Variants in GRAMD4 observed in about 807,000 individuals in gnomAD.
The protein encoded by GRAMD4 is GRAM domain-containing protein 4.
In GRAMD4, 25 loss-of-function variants were observed where a neutral mutation model predicts 83.9. The ratio of observed to expected loss-of-function variants is 0.30; its 90% CI spans 0.22 to 0.42. GRAMD4 has a LOEUF of 0.42. Among genes scored for constraint, GRAMD4 ranks in the 10% least tolerant of loss-of-function variants. The probability of loss-of-function intolerance (pLI) is 1.00; values close to 1 mark genes in which losing one functional copy is unlikely to be tolerated. For synonymous variants in GRAMD4, 336 were observed against 320.9 expected (o/e 1.05, Z -0.50); for missense variants, 593 against 788.7 (o/e 0.75, Z 2.97).
Position 46,644,697 on chromosome 22 carries a change from GTTTTTTTTTTTTTTTTTT to G in GRAMD4, c.283+6757_283+6774del, listed in dbSNP as rs71192437. Among the ~76,000 whole-genome samples the G allele has an allele frequency of 5.2e-3, 510 of 97,380 alleles. 6 individuals are homozygous for G. The East Asian group carries it at 0.071, about 14-fold the overall frequency. The allele number at this position is 97,380 out of a possible 152,430, so 63.9% of individuals were successfully genotyped here. On this transcript the variant is annotated intron_variant, in intron 3 of 18. Coordinates refer to ENST00000406902, the MANE Select transcript of GRAMD4 (RefSeq NM_015124.5). ...TCATCCACTTGTCCACTTGTTCCCT[GTTTTTTTTTTTTTTTTTT>G]TTTTTTTTTTTTTTTTTTTACTTTG...
Position 46,621,832 on chromosome 22 carries a change from C to G in GRAMD4, c.-50+1267C>G, listed in dbSNP as rs1350256276. Among the ~76,000 whole-genome samples the G allele has an allele frequency of 6.6e-6, 1 of 152,218 alleles. No individual in the cohort carries two copies. The highest frequency in any genetic ancestry group is 1.9e-4 in the East Asian group (1 of 5,198). ...GTCCATCCCTGGCAGTGTGTGGTGA[C>G]ATGTGTCGTGACATGGAGTTTGATT... is the stretch of plus-strand genomic sequence containing the variant. On this transcript the variant is annotated intron_variant, in intron 1 of 18. Transcript: ENST00000406902. This position sits in a 1 kb window ranked among gnomAD's most constrained non-coding sequence, Gnocchi z 5.8.
At chr22:46,590,290 G>A (rs577069849) in intron 1 of GRAMD4, among the ~76,000 whole-genome samples, 1 of 152,332 alleles carries the variant, frequency 6.6e-6, no homozygotes, top group South Asian at 2.1e-4. Context: ...TCCTCTTGGT[G>A]GGAGGCTTTG....
At chr22:46,595,413 A>G (rs1320476599) in intron 1 of GRAMD4, among the ~76,000 whole-genome samples, 1 of 152,220 alleles carries the variant, frequency 6.6e-6, no homozygotes, top group African/African-American at 2.4e-5. Flanking sequence ...CCCCCACCCA[A>G]GGGACTCTCA....
intron 1 of GRAMD4, among the ~76,000 whole-genome samples, chr22:46,594,095 ACCCAGCATCCTGCCAGCCCCTC>A (rs1223487460): frequency 3.3e-4 from 50 of 151,142 alleles, no homozygotes; most frequent in African/African-American, 1.2e-3. Context: ...CAGCCTTGAT[ACCCAGCATCCTGCCAGCCCCTC>A]CCCAGCATCC....
intron 1 of GRAMD4, among the ~76,000 whole-genome samples, chr22:46,601,657 A>C (rs529136727): frequency 2.0e-5 from 3 of 152,038 alleles, no homozygotes; most frequent in African/African-American, 7.2e-5. Context: ...TTAGCCAGAC[A>C]TGTTGGCATG....
At chr22:46,623,566 T>C (rs1394680255) in intron 1 of GRAMD4, among the ~76,000 whole-genome samples, 1 of 151,434 alleles carries the variant, frequency 6.6e-6, no homozygotes, top group Non-Finnish European at 1.5e-5. Context: ...TGGCTGACTT[T>C]TTTGTATTTT....
intron 3 of GRAMD4, among the ~76,000 whole-genome samples, chr22:46,650,343 C>T (rs1601634622): frequency 6.7e-6 from 1 of 149,998 alleles, no homozygotes; most frequent in Non-Finnish European, 1.5e-5. Flanking sequence ...CGTGTCGAGG[C>T]TGGGTGGAGG....
At chr22:46,682,510 C>A (rs2082675819), downstream of GRAMD4, 4 of 895,658 alleles carry the variant, frequency 4.5e-6, no homozygotes, top group South Asian at 1.0e-4. Flanking sequence ...AGAACTCACC[C>A]CAGAACCCTC....
chr22:46,584,948 A>G (rs1468227634), intron 1 of GRAMD4, among the ~76,000 whole-genome samples: 2 of 152,218 alleles, frequency 1.3e-5, no homozygotes, highest in Admixed American at 1.3e-4. Flanking sequence ...CATCCTGGCC[A>G]GGTCTGTCCC....
At chr22:46,588,316 A>T (rs1172967531) in intron 1 of GRAMD4, among the ~76,000 whole-genome samples, 1 of 152,078 alleles carries the variant, frequency 6.6e-6, no homozygotes, top group Non-Finnish European at 1.5e-5. Context: ...AGGTCAGCAC[A>T]CCTCCGTCCC....
At chr22:46,584,682 G>T in intron 1 of GRAMD4, among the ~76,000 whole-genome samples, 1 of 152,190 alleles carries the variant, frequency 6.6e-6, no homozygotes, top group Non-Finnish European at 1.5e-5. Flanking sequence ...GCTGGCTGGG[G>T]CTGGGGAGGG....
At chr22:46,647,369 T>C (rs1441399669) in intron 3 of GRAMD4, among the ~76,000 whole-genome samples, 3 of 152,242 alleles carry the variant, frequency 2.0e-5, no homozygotes, top group Non-Finnish European at 4.4e-5. Flanking sequence ...ATTGTGGATG[T>C]TTGGCCCTGG....
chr22:46,603,513 C>CTTT lies in GRAMD4; in HGVS notation c.-49-23237_-49-23236insTTT, dbSNP rs1569254347. Among the ~76,000 whole-genome samples, 131 of 105,978 alleles carry CTTT rather than the reference C, an allele frequency of 1.2e-3. 18 individuals carry two copies. The highest frequency in any genetic ancestry group is 1.8e-3 in the South Asian group (6 of 3,258). 69.5% of individuals were successfully genotyped at this position (105,978 alleles called of 152,430 possible). ...CATGAGCCACCGCGCCCGGCCTCTT[C>CTTT]TCTTTTTTTTTTTTTTTTTTTGAGA... On this transcript the variant is annotated intron_variant, in intron 1 of 1. Transcript: ENST00000431155.
rs116297703 is a variant in GRAMD4 at position 46,595,470 on chromosome 22, C to T, written c.-50+18180C>T. 4.3e-3 allele frequency among the ~76,000 whole-genome samples: 662 copies of T among 152,368 alleles called. 6 individuals carry two copies. The highest frequency in any genetic ancestry group is 0.015 in the African/African-American group (627 of 41,588). On this transcript the variant is annotated intron_variant, in intron 1 of 1. Transcript: ENST00000431155. ...CCCTGTGTCTGGAAAGGGGAGGTGG[C>T]GCCCTGATGTTCTGGGCCTGGTGGT...
intron 2 of GRAMD4, among the ~76,000 whole-genome samples, chr22:46,632,069 C>T (rs2147191075): frequency 6.6e-6 from 1 of 152,392 alleles, no homozygotes; most frequent in East Asian, 1.9e-4. Context: ...CAGGTGTGCT[C>T]CGCTTCATTC....
At chr22:46,625,283 C>T (rs560842957) in intron 1 of GRAMD4, among the ~76,000 whole-genome samples, 62 of 152,304 alleles carry the variant, frequency 4.1e-4, no homozygotes, top group African/African-American at 1.5e-3. Flanking sequence ...GGTTCTAGTG[C>T]GTTCTGTGTC....
rs573415070 is a variant in GRAMD4, at chr22:46,659,612, G to A, written c.404+1305G>A. ...AAGCGGCTCCCTTCAGCACCCTCAG[G>A]TTTAGTGTGTGGGAAGACGGGGGAT... On this transcript the variant is annotated intron_variant, in intron 4 of 18. Transcript: ENST00000406902. The surrounding 1 kb of genome is among the most constrained non-coding windows in gnomAD (Gnocchi z 4.1). Among the ~76,000 whole-genome samples, 1 of 152,348 alleles carries A rather than the reference G, an allele frequency of 6.6e-6. No individual in the cohort carries two copies. The highest frequency in any genetic ancestry group is 6.5e-5 in the Admixed American group (1 of 15,312).
intron 1 of GRAMD4, among the ~76,000 whole-genome samples, chr22:46,592,596 C>T (rs990915457): frequency 4.6e-5 from 7 of 152,154 alleles, no homozygotes; most frequent in Non-Finnish European, 7.3e-5. Flanking sequence ...TTCACTGTTC[C>T]GACTGCACCA....
chr22:46,651,899 G>T (rs1012548992), intron 3 of GRAMD4, among the ~76,000 whole-genome samples: 5 of 152,144 alleles, frequency 3.3e-5, no homozygotes, highest in African/African-American at 1.2e-4. Flanking sequence ...TACTCCTTTA[G>T]GGCTCCTGGA....
Sources: gnomAD v4.1 joint callset for allele counts (sites outside exome capture counted in the v4.1 genomes callset) on GRCh38, gnomAD v4.1.1 for gene constraint, Gnocchi (gnomAD v3.1) non-coding constraint, MANE v1.5 for transcripts, NCBI Gene and HGNC (gene_info 2026-07-23, HGNC 2026-07-21) for gene names.